RFX7: variants seen among roughly 807,000 people sequenced by gnomAD.
The protein encoded by RFX7 is regulatory factor X7.
RFX7 carries 26 observed loss-of-function variants against 111.8 expected under a neutral mutation model. The ratio of observed to expected loss-of-function variants is 0.23; its 90% CI spans 0.17 to 0.32. The LOEUF (loss-of-function observed/expected upper bound fraction) is 0.32. Among genes scored for constraint, RFX7 ranks in the 10% least tolerant of loss-of-function variants. The probability of loss-of-function intolerance (pLI) is 1.00; values close to 1 mark genes in which losing one functional copy is unlikely to be tolerated. For synonymous variants in RFX7, 624 were observed against 624.4 expected (o/e 1.00, Z 0.01); for missense variants, 1,573 against 1,772.9 (o/e 0.89, Z 2.02).
At chr15:56,179,215 T>C (rs2141130476) in intron 3 of RFX7, 55 bp downstream of exon 3, 1 of 819,586 alleles carries the variant, frequency 1.2e-6, no homozygotes, top group East Asian at 6.2e-5. Flanking sequence ...GTATATTTTA[T>C]ATCGTCATAA....
chr15:56,095,314 A>C lies in RFX7; in HGVS notation c.2414T>G (p.Met805Arg). 1 of 1,613,996 alleles carries C rather than the reference A, an allele frequency of 6.2e-7. No homozygotes were observed. Among genetic ancestry groups the C allele is most frequent in the Admixed American group, 1.7e-5 (1 of 60,024 alleles). Reference protein sequence around the residue: ...SCEQQQDISVMTIPEHSDIND... With the variant: ...SCEQQQDISVRTIPEHSDIND... ...GATATCAGAGTGCTCAGGAATTGTC[A>C]TAACACTGATATCTTGCTGTTGTTC... The change falls in exon 10 of 10, where the codon ATG (methionine) becomes AGG (arginine). Residue 805 changes from methionine to arginine, a missense_variant. Met to Arg is a moderately conservative substitution (Grantham distance 91, BLOSUM62 -1). Coordinates refer to ENST00000559447, the MANE Select transcript of RFX7 (RefSeq NM_022841.7).
At chr15:56,130,993 A>G (rs1448368787) in intron 5 of RFX7, among the ~76,000 whole-genome samples, 4 of 152,148 alleles carry the variant, frequency 2.6e-5, no homozygotes, top group Admixed American at 2.6e-4. Flanking sequence ...AACTTTCAAG[A>G]ATAAATAAGT....
chr15:56,216,186 T>A (rs1346526579), intron 2 of RFX7, among the ~76,000 whole-genome samples: 1 of 152,170 alleles, frequency 6.6e-6, no homozygotes, highest in Non-Finnish European at 1.5e-5. Context: ...CACAGAGAAT[T>A]CCTTCCTAAG....
At chr15:56,115,649 T>C (rs1458740951) in intron 5 of RFX7, among the ~76,000 whole-genome samples, 2 of 152,282 alleles carry the variant, frequency 1.3e-5, no homozygotes, top group African/African-American at 4.8e-5. Context: ...TTAAATTAAC[T>C]GCATATAGGC....
At chr15:56,236,267 AG>A (rs2043622183) in intron 2 of RFX7, among the ~76,000 whole-genome samples, 1 of 152,212 alleles carries the variant, frequency 6.6e-6, no homozygotes, top group African/African-American at 2.4e-5. Flanking sequence ...TCATGTTTTA[AG>A]GTATTTATTT....
rs1307201444 is a variant in RFX7 at position 56,092,736 on chromosome 15, T to G, written c.*609A>C. ...TTCCCTTAAAAATTTTAGTGCAGCTTTGCTTTCCTTAAAGTAATATTTAAT... is the reference window on the plus strand; with the variant it reads ...TTCCCTTAAAAATTTTAGTGCAGCTGTGCTTTCCTTAAAGTAATATTTAAT... On this transcript the variant is annotated 3_prime_UTR_variant, in exon 10 of 10. Coordinates refer to ENST00000559447, the MANE Select transcript of RFX7 (RefSeq NM_022841.7). 6.6e-6 allele frequency: 1 copy of G among 152,632 alleles called. No individual in the cohort carries two copies. The highest frequency in any genetic ancestry group is 2.4e-5 in the African/African-American group (1 of 41,464). The allele number at this position is 152,632 out of a possible 1,614,324, so 9.5% of individuals were successfully genotyped here.
At chr15:56,181,996 T>G (rs1000008522) in intron 2 of RFX7, among the ~76,000 whole-genome samples, 23 of 152,054 alleles carry the variant, frequency 1.5e-4, no homozygotes, top group Admixed American at 3.9e-4. Context: ...CAAGGTTGCA[T>G]GGTCCTTATG....
At chr15:56,196,696 T>C (rs1335867782) in intron 2 of RFX7, among the ~76,000 whole-genome samples, 2 of 152,094 alleles carry the variant, frequency 1.3e-5, no homozygotes, top group African/African-American at 2.4e-5. Context: ...AAAAATAAAA[T>C]AAAATAAAAT....
chr15:56,129,145 G>T (rs1303151027), intron 5 of RFX7, among the ~76,000 whole-genome samples: 5 of 152,172 alleles, frequency 3.3e-5, no homozygotes, highest in African/African-American at 1.2e-4. Flanking sequence ...GGAGGCCGAA[G>T]TGGGTGTATC....
intron 3 of RFX7, among the ~76,000 whole-genome samples, chr15:56,167,789 C>A (rs2042800755): frequency 6.6e-6 from 1 of 152,090 alleles, no homozygotes; most frequent in Non-Finnish European, 1.5e-5. Flanking sequence ...ATATTGTCTT[C>A]ATAATTGGAA....
At chr15:56,183,074 A>T (rs1242594571) in intron 2 of RFX7, among the ~76,000 whole-genome samples, 6 of 152,020 alleles carry the variant, frequency 3.9e-5, no homozygotes, top group Admixed American at 3.3e-4. Flanking sequence ...GTATTTTTTT[A>T]AAAAATTGTC....
At chr15:56,197,976 A>G (rs2043160897) in intron 2 of RFX7, among the ~76,000 whole-genome samples, 1 of 152,156 alleles carries the variant, frequency 6.6e-6, no homozygotes, top group Admixed American at 6.5e-5. Flanking sequence ...AATATCATTT[A>G]TTAAGTCTTT....
In RFX7 at chr15:56,243,260, G is replaced by A; in HGVS notation, c.26C>T (p.Pro9Leu). ...CTGATGGGCATCAGGCTGCTGTGGT[G>A]GCGGCTGTTGTTGTTCCTCTGCCAT... MAEEQQQP[P>L]PQQPDAHQQL... The change falls in exon 2 of 10, where the codon CCA becomes CTA. Residue 9 changes from proline to leucine, a missense_variant. By Grantham distance (98) the Pro-to-Leu change is moderately conservative. Coordinates refer to ENST00000559447, the MANE Select transcript of RFX7 (RefSeq NM_022841.7). 3.1e-6 allele frequency: 4 copies of A among 1,286,290 alleles called. No individual in the cohort carries two copies. The highest frequency in any genetic ancestry group is 4.1e-6 in the Non-Finnish European group (4 of 983,220). The allele number at this position is 1,286,290 out of a possible 1,614,324, so 79.7% of individuals were successfully genotyped here.
At chr15:56,185,858 G>T (rs2043032791) in intron 2 of RFX7, among the ~76,000 whole-genome samples, 1 of 152,048 alleles carries the variant, frequency 6.6e-6, no homozygotes, top group African/African-American at 2.4e-5. Flanking sequence ...TGTATACCTG[G>T]ATTGGCATTA....
intron 3 of RFX7, among the ~76,000 whole-genome samples, chr15:56,164,380 C>T (rs949838506): frequency 1.3e-5 from 2 of 152,172 alleles, no homozygotes; most frequent in African/African-American, 4.8e-5. Flanking sequence ...TTATTACCAT[C>T]CAGACTATAT....
In RFX7 at chr15:56,140,861, G is replaced by A. The variant is rs1175336800; in HGVS notation, c.401+1917C>T. Among the ~76,000 whole-genome samples the A allele has an allele frequency of 2.6e-4, 40 of 152,278 alleles. 1 individual carries two copies. The highest frequency in any genetic ancestry group is 2.2e-4 in the Non-Finnish European group (15 of 68,024). On this transcript the variant is annotated intron_variant, in intron 5 of 9. Coordinates refer to ENST00000559447, the MANE Select transcript of RFX7 (RefSeq NM_022841.7). ...GAAAACATAACCATGTCTTGCCAAAGGCAGAAAACTTTTAGGAATATAAGG... is the reference window on the plus strand; with the variant it reads ...GAAAACATAACCATGTCTTGCCAAAAGCAGAAAACTTTTAGGAATATAAGG...
At position 56,141,656 on chromosome 15, in the gene RFX7, A is replaced by ACTATATATATATATAT. The variant is rs1555421058; in HGVS notation, c.401+1121_401+1122insATATATATATATATAG. ...TAATGAAGAATCTATGCTTACTCTA[A>ACTATATATATATATAT]ATATATATATATATATATATGCATA... On this transcript the variant is annotated intron_variant, in intron 5 of 9. Coordinates refer to ENST00000559447, the MANE Select transcript of RFX7 (RefSeq NM_022841.7). Among the ~76,000 whole-genome samples, 316 of 83,102 alleles carry ACTATATATATATATAT rather than the reference A, an allele frequency of 3.8e-3. 37 individuals are homozygous for ACTATATATATATATAT. The highest frequency in any genetic ancestry group is 0.013 in the African/African-American group (205 of 15,260). The allele number at this position is 83,102 out of a possible 152,430, so 54.5% of individuals were successfully genotyped here.
At chr15:56,114,130 T>C (rs1163967438) in intron 5 of RFX7, among the ~76,000 whole-genome samples, 1 of 151,486 alleles carries the variant, frequency 6.6e-6, no homozygotes, top group African/African-American at 2.4e-5. Context: ...TCCAGTTGAG[T>C]GTGGTGGCTC....
intron 2 of RFX7, among the ~76,000 whole-genome samples, chr15:56,195,132 T>C (rs911202708): frequency 4.6e-5 from 7 of 152,180 alleles, no homozygotes; most frequent in African/African-American, 1.7e-4. Context: ...TTGAAAACTT[T>C]ATGCTAAGTG....
Sources: gnomAD v4.1 joint callset for allele counts (sites outside exome capture counted in the v4.1 genomes callset) on GRCh38, gnomAD v4.1.1 for gene constraint, MANE v1.5 for transcripts, NCBI Gene and HGNC (gene_info 2026-07-23, HGNC 2026-07-21) for gene names.